Variants in ESYT2 observed in about 807,000 individuals in gnomAD.
ESYT2 encodes extended synaptotagmin-2.
ESYT2 carries 54 observed loss-of-function variants against 107.2 expected under a neutral mutation model. The ratio of observed to expected loss-of-function variants is 0.50; its 90% CI spans 0.40 to 0.63. ESYT2 has a LOEUF of 0.63. ESYT2 is among the 30% of genes least tolerant of loss of function. The pLI is 0.00. For synonymous variants in ESYT2, 491 were observed against 434.1 expected (o/e 1.13, Z -1.63); for missense variants, 1,020 against 1,094.5 (o/e 0.93, Z 0.96).
chr7:158,806,472 A>C (rs1399623687), intron 1 of ESYT2, among the ~76,000 whole-genome samples: 6 of 152,196 alleles, frequency 3.9e-5, no homozygotes, highest in Non-Finnish European at 7.3e-5. Context: ...GCATGCGTGA[A>C]ATATTAGGAG....
intron 6 of ESYT2, among the ~76,000 whole-genome samples, chr7:158,778,730 T>G (rs558580796): frequency 8.5e-5 from 13 of 152,290 alleles, no homozygotes; most frequent in African/African-American, 3.1e-4. Context: ...CTCACCAAGA[T>G]TCCGATCCAC....
rs1584852732 is a variant in ESYT2, at chr7:158,788,278, A to G, written c.657+67T>C. On this transcript the variant is annotated intron_variant, in intron 5 of 22. Coordinates refer to ENST00000275418, the MANE Select transcript of ESYT2 (RefSeq NM_001367773.1). ...CAAGCTAAAAAAACTTCCTAATTTT[A>G]TTTTTGAATACAGCTTAGAGAACTT... 3 of 1,460,206 alleles carry G rather than the reference A, an allele frequency of 2.1e-6. No homozygotes were observed. The East Asian group carries it at 6.9e-5, about 34-fold the overall frequency. 90.5% of individuals were successfully genotyped at this position (1,460,206 alleles called of 1,614,324 possible). A position where few individuals can be genotyped will look rare whatever the true frequency, so the allele number is the denominator to read the frequency against.
intron 1 of ESYT2, among the ~76,000 whole-genome samples, chr7:158,809,848 C>CCTGG (rs1435694591): frequency 6.8e-6 from 1 of 147,166 alleles, no homozygotes; most frequent in Non-Finnish European, 1.5e-5. Context: ...AGAACTATAA[C>CCTGG]CTGGCTGGCT....
intron 18 of ESYT2, among the ~76,000 whole-genome samples, chr7:158,739,491 C>T (rs868596931): frequency 4.6e-5 from 7 of 152,082 alleles, no homozygotes; most frequent in African/African-American, 9.7e-5. Context: ...GGATTACAGG[C>T]GCCCGCCACC....
At chr7:158,761,625 T>TTTC in intron 10 of ESYT2, 81 bp from the exon 11 acceptor site, 1 of 1,291,486 alleles carries the variant, frequency 7.7e-7, no homozygotes, top group African/African-American at 1.5e-5. Context: ...AGAAAACACA[T>TTTC]TTCTTCCTGA....
Position 158,764,797 on chromosome 7 carries a change from G to T in ESYT2, c.981C>A (p.Tyr327Ter), listed in dbSNP as rs779084415. ...ACTTTCCCTTGACAAGTCCCTTAAG[G>T]TAAGTGTCTTTCCCCTGAAGATCCT... ...EAQDLQGKDT[Y>*]LKGLVKGKSD... is the part of the protein sequence containing the mutation. Residue 327 changes from tyrosine (Y) to a stop codon, truncating the protein, a stop_gained, in exon 9 of 23, where the codon TAC becomes TAA. Coordinates refer to ENST00000275418, the MANE Select transcript of ESYT2 (RefSeq NM_001367773.1). LOFTEE classifies it high-confidence loss of function. The T allele has an allele frequency of 2.5e-6, 4 of 1,614,154 alleles. No individual in the cohort carries two copies. The highest frequency in any genetic ancestry group is 3.4e-6 in the Non-Finnish European group (4 of 1,180,018).
chr7:158,738,358 C>T (rs1246978990), intron 19 of ESYT2, among the ~76,000 whole-genome samples: 12 of 150,372 alleles, frequency 8.0e-5, no homozygotes, highest in African/African-American at 2.2e-4. Flanking sequence ...CACACACACA[C>T]ACACACACAC....
rs190039208 is a variant in ESYT2 at position 158,765,254 on chromosome 7, C to T, written c.925-401G>A. On this transcript the variant is annotated intron_variant, in intron 8 of 22. Transcript: ENST00000275418. ...GAGGCTGGTGACACAGGCCACCCAG[C>T]TGTACTAGATCCTGGTGCTACAGTG... is the stretch of plus-strand genomic sequence containing the variant. 2.0e-4 allele frequency among the ~76,000 whole-genome samples: 30 copies of T among 152,302 alleles called. No homozygotes were observed. The East Asian group carries it at 2.3e-3, about 12-fold the overall frequency.
At chr7:158,817,006 T>G (rs1031942385) in intron 1 of ESYT2, among the ~76,000 whole-genome samples, 3 of 152,246 alleles carry the variant, frequency 2.0e-5, no homozygotes, top group Admixed American at 2.0e-4. Flanking sequence ...CAGTAGGCAA[T>G]TCACTTCTAA....
intron 1 of ESYT2, among the ~76,000 whole-genome samples, chr7:158,824,730 G>A (rs906599120): frequency 1.3e-5 from 2 of 152,192 alleles, no homozygotes; most frequent in African/African-American, 4.8e-5. Flanking sequence ...CATACAATCA[G>A]CATTTATTGG....
At chr7:158,790,971 C>G (rs748077657) in intron 4 of ESYT2, among the ~76,000 whole-genome samples, 2 of 152,146 alleles carry the variant, frequency 1.3e-5, no homozygotes, top group African/African-American at 2.4e-5. Flanking sequence ...AATCTACCCT[C>G]ATAATCATTT....
intron 4 of ESYT2, among the ~76,000 whole-genome samples, chr7:158,792,951 G>A (rs1302336558): frequency 1.3e-5 from 2 of 151,682 alleles, no homozygotes; most frequent in East Asian, 1.9e-4. Flanking sequence ...TGTATTTTTA[G>A]TAGAGACGGG....
At position 158,823,243 on chromosome 7, in the gene ESYT2, C is replaced by A. The variant is rs375251352; in HGVS notation, c.330+5846G>T. ...CAGCGAGGCGGAGGTTGCAGTGACC[C>A]GAGATGGTGCCACTGTGCCCCAGCC... On this transcript the variant is annotated intron_variant, in intron 1 of 22. Coordinates refer to ENST00000275418, the MANE Select transcript of ESYT2 (RefSeq NM_001367773.1). Among the ~76,000 whole-genome samples, 107 of 131,842 alleles carry A rather than the reference C, an allele frequency of 8.1e-4. 1 individual carries two copies. Among genetic ancestry groups the A allele is most frequent in the South Asian group, 2.0e-3 (8 of 3,946 alleles). 86.5% of individuals were successfully genotyped at this position (131,842 alleles called of 152,430 possible). A position where few individuals can be genotyped will look rare whatever the true frequency, so the allele number is the denominator to read the frequency against.
intron 21 of ESYT2, among the ~76,000 whole-genome samples, chr7:158,734,738 T>C (rs1381257019): frequency 1.3e-5 from 2 of 152,222 alleles, no homozygotes; most frequent in Non-Finnish European, 1.5e-5. Context: ...CAGTGAGCCA[T>C]GATCGCGCCA....
chr7:158,775,047 T>C (rs1838504516), intron 6 of ESYT2, among the ~76,000 whole-genome samples: 1 of 152,202 alleles, frequency 6.6e-6, no homozygotes, highest in African/African-American at 2.4e-5. Context: ...TCGGAGATAT[T>C]GTGGGCTGGG....
chr7:158,829,356 C>A lies in ESYT2; in HGVS notation c.63G>T (p.Ala21=). 2 of 1,392,242 alleles carry A rather than the reference C, an allele frequency of 1.4e-6. No individual in the cohort carries two copies. The highest frequency in any genetic ancestry group is 1.9e-6 in the Non-Finnish European group (2 of 1,077,040). 86.2% of individuals were successfully genotyped at this position (1,392,242 alleles called of 1,614,324 possible). A position where few individuals can be genotyped will look rare whatever the true frequency, so the allele number is the denominator to read the frequency against. ...AGAGGAGGRA[A]PENPGGVLSV... ...TCAGCACGCCCCCGGGGTTCTCAGG[C>A]GCCGCGCGGCCCCCAGCCCCGCCGG... is the stretch of plus-strand genomic sequence containing the variant. The change falls in exon 1 of 23, where the codon GCG becomes GCT. Residue 21 remains alanine (A), a synonymous_variant. Coordinates refer to ENST00000275418, the MANE Select transcript of ESYT2 (RefSeq NM_001367773.1).
At chr7:158,754,800 C>T (rs745702210) in intron 13 of ESYT2, among the ~76,000 whole-genome samples, 2 of 152,142 alleles carry the variant, frequency 1.3e-5, no homozygotes, top group Admixed American at 1.3e-4. Context: ...GCACTGAAGC[C>T]GTGCCTGGGA....
intron 3 of ESYT2, among the ~76,000 whole-genome samples, chr7:158,795,315 C>T (rs1839424928): frequency 6.6e-6 from 1 of 152,242 alleles, no homozygotes; most frequent in Non-Finnish European, 1.5e-5. Context: ...AATACTCTTG[C>T]TATTCTCCAA....
intron 6 of ESYT2, among the ~76,000 whole-genome samples, chr7:158,781,296 GGT>G (rs895695754): frequency 2.1e-5 from 1 of 47,728 alleles, no homozygotes; most frequent in East Asian, 2.5e-4. Flanking sequence ...AACAGTGTGC[GGT>G]GTGTGAGAAC....
Sources: allele counts gnomAD v4.1 joint callset (sites outside exome capture counted in the v4.1 genomes callset), GRCh38; gene constraint gnomAD v4.1.1; transcripts MANE v1.5; gene names NCBI Gene and HGNC (gene_info 2026-07-23, HGNC 2026-07-21).